Variants in NAALADL2 observed in about 807,000 individuals in gnomAD.
NAALADL2 encodes the protein inactive N-acetylated-alpha-linked acidic dipeptidase-like protein 2.
A neutral mutation model predicts 87.2 loss-of-function variants in NAALADL2; 76 were observed. The ratio of observed to expected loss-of-function variants is 0.87; its 90% CI spans 0.72 to 1.05. NAALADL2 has a LOEUF of 1.05. NAALADL2 is among the 50% of genes least tolerant of loss of function. NAALADL2 has a pLI of 0.00. For synonymous variants in NAALADL2, 354 were observed against 331.0 expected (o/e 1.07, Z -0.75); for missense variants, 1,089 against 945.8 (o/e 1.15, Z -1.99).
intron 11 of NAALADL2, among the ~76,000 whole-genome samples, chr3:175,679,778 G>A (rs1735339241): frequency 6.6e-6 from 1 of 152,168 alleles, no homozygotes; most frequent in South Asian, 2.1e-4. Flanking sequence ...ATTTGCTAGT[G>A]ATTTTCTTAC....
At chr3:175,467,378 A>G (rs1052319825) in intron 8 of NAALADL2, among the ~76,000 whole-genome samples, 194 bp downstream of exon 8, 1 of 119,374 alleles carries the variant, frequency 8.4e-6, no homozygotes, top group African/African-American at 4.2e-5. Flanking sequence ...ATGACCTTCA[A>G]ATATCTTACC....
intron 3 of NAALADL2, among the ~76,000 whole-genome samples, chr3:174,841,451 A>G (rs1369647989): frequency 6.6e-6 from 1 of 152,170 alleles, no homozygotes; most frequent in Non-Finnish European, 1.5e-5. Context: ...GTTTTCGTTT[A>G]GTTAGTATTT....
intron 3 of NAALADL2, among the ~76,000 whole-genome samples, chr3:174,799,013 T>A (rs4298047): frequency 2.0e-5 from 3 of 151,972 alleles, no homozygotes; most frequent in South Asian, 2.1e-4. Context: ...GTACTAAAAA[T>A]ACAAAAATTA....
chr3:174,737,424 G>A (rs989174832), intron 2 of NAALADL2, among the ~76,000 whole-genome samples: 1 of 152,174 alleles, frequency 6.6e-6, no homozygotes, highest in Non-Finnish European at 1.5e-5. Flanking sequence ...GTGTGTTTTT[G>A]TATACATTTG....
chr3:175,035,517 G>A (rs938343514), intron 1 of NAALADL2, among the ~76,000 whole-genome samples: 2 of 152,054 alleles, frequency 1.3e-5, no homozygotes, highest in African/African-American at 2.4e-5. Flanking sequence ...CTCCTGAGGG[G>A]CACAATACTC....
At chr3:175,665,017 C>T (rs1028695519) in intron 11 of NAALADL2, among the ~76,000 whole-genome samples, 1 of 152,106 alleles carries the variant, frequency 6.6e-6, no homozygotes, top group Admixed American at 6.5e-5. Flanking sequence ...TATATGAACA[C>T]TGACACATCT....
chr3:175,797,328 A>G (rs538139578), intron 13 of NAALADL2, among the ~76,000 whole-genome samples: 1 of 152,146 alleles, frequency 6.6e-6, no homozygotes, highest in Non-Finnish European at 1.5e-5. Flanking sequence ...ATTAAATAAT[A>G]TTTTAATTAG....
rs548685801 is a variant in NAALADL2 at position 175,359,980 on chromosome 3, A to G, written c.1090+35655A>G. ...TCTTTTCTCATTTAGCTGTGTTTTC[A>G]ATTACCATTTTATAATGCTATTTTG... On this transcript the variant is annotated intron_variant, in intron 5 of 13. Coordinates refer to ENST00000454872, the MANE Select transcript of NAALADL2 (RefSeq NM_207015.3). Among the ~76,000 whole-genome samples, 3 of 152,234 alleles carry G rather than the reference A, an allele frequency of 2.0e-5. No homozygotes were observed. The South Asian group carries it at 6.2e-4, about 32-fold the overall frequency.
intron 2 of NAALADL2, among the ~76,000 whole-genome samples, chr3:175,119,059 GT>G (rs5854610): frequency 0.58 from 86,125 of 148,618 alleles, 24,988 homozygotes; most frequent in African/African-American, 0.7. Flanking sequence ...GCATTTATAC[GT>G]TTTTTTTTTT....
intron 1 of NAALADL2, among the ~76,000 whole-genome samples, chr3:174,870,879 A>G (rs1405529983): frequency 6.6e-6 from 1 of 152,168 alleles, no homozygotes; most frequent in African/African-American, 2.4e-5. Context: ...TAGACACTGT[A>G]TTTTACAAAA....
intron 1 of NAALADL2, among the ~76,000 whole-genome samples, chr3:174,912,142 T>G (rs1733785797): frequency 6.6e-6 from 1 of 152,068 alleles, no homozygotes; most frequent in Non-Finnish European, 1.5e-5. Context: ...TTGGTAGTTC[T>G]CTCATTTTCC....
At chr3:174,791,413 G>A (rs983018010) in intron 3 of NAALADL2, among the ~76,000 whole-genome samples, 1 of 152,176 alleles carries the variant, frequency 6.6e-6, no homozygotes, top group Non-Finnish European at 1.5e-5. Flanking sequence ...CTTCCACCAC[G>A]TGAGGACACA....
intron 1 of NAALADL2, among the ~76,000 whole-genome samples, chr3:174,541,544 T>A (rs1433975424): frequency 6.6e-6 from 1 of 152,198 alleles, no homozygotes; most frequent in East Asian, 1.9e-4. Context: ...ATTCAACATA[T>A]TCTAAGTGTG....
intron 3 of NAALADL2, among the ~76,000 whole-genome samples, chr3:174,764,504 GGAGGCT>G (rs1223026569): frequency 6.6e-6 from 1 of 152,164 alleles, no homozygotes; most frequent in Admixed American, 6.5e-5. Flanking sequence ...CAGCTACTTG[GGAGGCT>G]GAGGCAGGAG....
intron 1 of NAALADL2, among the ~76,000 whole-genome samples, chr3:174,444,499 G>A (rs2108259932): frequency 6.6e-6 from 1 of 152,250 alleles, no homozygotes; most frequent in South Asian, 2.1e-4. Flanking sequence ...TCTGCCTTGA[G>A]CTTTGCTTAG....
intron 3 of NAALADL2, among the ~76,000 whole-genome samples, chr3:174,781,148 G>A (rs1298140702): frequency 6.6e-6 from 1 of 152,002 alleles, no homozygotes; most frequent in Non-Finnish European, 1.5e-5. Flanking sequence ...AGAGAGATCC[G>A]CTGTTAGTCT....
At chr3:175,748,420 A>G (rs1332602832) in intron 12 of NAALADL2, among the ~76,000 whole-genome samples, 2 of 152,208 alleles carry the variant, frequency 1.3e-5, no homozygotes, top group African/African-American at 2.4e-5. Flanking sequence ...TAGGTAATAT[A>G]CATTTTCCCC....
At chr3:175,624,890 A>T (rs995854253) in intron 10 of NAALADL2, among the ~76,000 whole-genome samples, 7 of 152,106 alleles carry the variant, frequency 4.6e-5, no homozygotes, top group African/African-American at 1.7e-4. Flanking sequence ...CAAAATGTTT[A>T]GGAAGCACAG....
intron 2 of NAALADL2, among the ~76,000 whole-genome samples, chr3:175,218,361 A>C (rs1742859171): frequency 6.6e-6 from 1 of 152,326 alleles, no homozygotes; most frequent in South Asian, 2.1e-4. Flanking sequence ...ATTATGAAAA[A>C]TCTTAACACC....
Sources: allele counts gnomAD v4.1 joint callset (sites outside exome capture counted in the v4.1 genomes callset), GRCh38; gene constraint gnomAD v4.1.1; transcripts MANE v1.5; gene names NCBI Gene and HGNC (gene_info 2026-07-23, HGNC 2026-07-21).